The following HS6ST1 variants were observed in gnomAD, a reference collection of about 807,000 sequenced individuals.
HS6ST1 encodes heparan sulfate 6-O-sulfotransferase 1.
A neutral mutation model predicts 25.2 loss-of-function variants in HS6ST1; 3 were observed. That is an observed-to-expected ratio of 0.12 (90% CI 0.05 to 0.31). The LOEUF is 0.31. HS6ST1 is among the 10% of genes least tolerant of loss of function. The pLI is 1.00. For missense variants in HS6ST1, 310 were observed against 609.6 expected (o/e 0.51, Z 5.18); for synonymous variants, 204 against 275.1 (o/e 0.74, Z 2.56).
rs114319736 is a variant in HS6ST1 at position 128,268,014 on chromosome 2, A to C, written c.*148T>G. ...CCCCATCCCTGCCCAGCCCCACTAC[A>C]TCCCTGCTCTGTTTTTTTTCAGGAC... On this transcript the variant is annotated 3_prime_UTR_variant, in exon 2 of 2. Transcript: ENST00000259241. 2.1e-6 allele frequency: 1 copy of C among 482,476 alleles called. No homozygotes were observed. Among genetic ancestry groups the C allele is most frequent in the Non-Finnish European group, 3.6e-6 (1 of 277,586 alleles). The allele number at this position is 482,476 out of a possible 1,614,324, so 29.9% of individuals were successfully genotyped here. A position where few individuals can be genotyped will look rare whatever the true frequency, so the allele number is the denominator to read the frequency against.
At chr2:128,284,893 C>A (rs1231153646) in intron 1 of HS6ST1, among the ~76,000 whole-genome samples, 1 of 152,212 alleles carries the variant, frequency 6.6e-6, no homozygotes, top group African/African-American at 2.4e-5. Flanking sequence ...ACCCCCACCC[C>A]CCACCTGGTG....
chr2:128,280,582 C>T (rs1446857604), intron 1 of HS6ST1, among the ~76,000 whole-genome samples: 2 of 152,258 alleles, frequency 1.3e-5, no homozygotes. Context: ...AAACCCAGAT[C>T]ATCAAGTTCT....
chr2:128,299,427 CCA>C (rs1439328771), intron 1 of HS6ST1, among the ~76,000 whole-genome samples: 1 of 152,228 alleles, frequency 6.6e-6, no homozygotes, highest in African/African-American at 2.4e-5. Context: ...TCTGCTGGCC[CCA>C]GTCTCAGTGT....
chr2:128,282,230 A>G (rs1404563929), intron 1 of HS6ST1, among the ~76,000 whole-genome samples: 1 of 152,258 alleles, frequency 6.6e-6, no homozygotes, highest in Admixed American at 6.5e-5. Flanking sequence ...AGTGGTCTGC[A>G]TAAAGAAAAA....
At chr2:128,296,083 C>T (rs940649865) in intron 1 of HS6ST1, among the ~76,000 whole-genome samples, 1 of 152,200 alleles carries the variant, frequency 6.6e-6, no homozygotes, top group Admixed American at 6.5e-5. Context: ...GCAGGGGATA[C>T]AAGACAGGCA....
chr2:128,301,169 G>A (rs1271029418), intron 1 of HS6ST1, among the ~76,000 whole-genome samples: 1 of 148,530 alleles, frequency 6.7e-6, no homozygotes, highest in Non-Finnish European at 1.5e-5. Flanking sequence ...GACTGGGGTC[G>A]CCGGGGGCTG....
intron 1 of HS6ST1, among the ~76,000 whole-genome samples, chr2:128,289,255 TG>T: frequency 6.6e-6 from 1 of 152,298 alleles, no homozygotes; most frequent in East Asian, 1.9e-4. Context: ...GCAGTGACCC[TG>T]GGGACTCGGG....
intron 1 of HS6ST1, among the ~76,000 whole-genome samples, chr2:128,295,831 A>G (rs1040832929): frequency 6.6e-6 from 1 of 152,216 alleles, no homozygotes; most frequent in Non-Finnish European, 1.5e-5. Context: ...CATAATAAAA[A>G]CTTTCAACAA....
chr2:128,278,395 G>C (rs78673086), intron 1 of HS6ST1, among the ~76,000 whole-genome samples: 1,634 of 152,350 alleles, frequency 0.011, 27 homozygotes, highest in African/African-American at 0.036. Context: ...TGGGAAGTCT[G>C]GGGCGGGCGA....
At position 128,274,252 on chromosome 2, in the gene HS6ST1, G is replaced by A. The variant is rs35227172; in HGVS notation, c.528-5382C>T. The stretch of plus-strand genomic sequence containing the variant: ...AGACTGAAATGGCTGACCAAGTGCC[G>A]AGCAAATGAATGTGGGGAATGAACA... On this transcript the variant is annotated intron_variant, in intron 1 of 1. Transcript: ENST00000259241. 4.5e-3 allele frequency among the ~76,000 whole-genome samples: 686 copies of A among 152,198 alleles called. 2 individuals carry two copies. Among genetic ancestry groups the A allele is most frequent in the Non-Finnish European group, 7.9e-3 (538 of 67,992 alleles).
intron 1 of HS6ST1, among the ~76,000 whole-genome samples, chr2:128,304,000 ATCT>A (rs1356130301): frequency 2.0e-5 from 3 of 152,188 alleles, no homozygotes; most frequent in Non-Finnish European, 4.4e-5. Flanking sequence ...TGGGACACTC[ATCT>A]TCTTGCCCTT....
In HS6ST1 at chr2:128,268,480, C is replaced by A; in HGVS notation, c.918G>T (p.Arg306=). Residue 306 remains arginine, a synonymous_variant, in exon 2 of 2, where the codon CGG becomes CGT. Transcript: ENST00000259241. The part of the protein sequence containing the change: ...FQRKTQYLFE[R]TFNLKFIRPF... ...GCCGGATGAACTTGAGGTTGAACGTCCGCTCGAACAGGTACTGCGTCTTGC... is the reference window on the plus strand; with the variant it reads ...GCCGGATGAACTTGAGGTTGAACGTACGCTCGAACAGGTACTGCGTCTTGC... The A allele has an allele frequency of 2.5e-6, 4 of 1,613,168 alleles. No individual in the cohort carries two copies. Among genetic ancestry groups the A allele is most frequent in the Non-Finnish European group, 3.4e-6 (4 of 1,179,736 alleles).
At chr2:128,317,357 A>G (rs1355589973) in intron 1 of HS6ST1, among the ~76,000 whole-genome samples, 1 of 152,192 alleles carries the variant, frequency 6.6e-6, no homozygotes, top group Non-Finnish European at 1.5e-5. Context: ...GTGGTCCCCC[A>G]TCGGGTGGCT....
intron 1 of HS6ST1, among the ~76,000 whole-genome samples, chr2:128,291,869 T>C (rs1335554275): frequency 6.6e-6 from 1 of 152,224 alleles, no homozygotes; most frequent in African/African-American, 2.4e-5. Context: ...ATACACAGGC[T>C]TCCCTATAGG....
chr2:128,269,616 C>T (rs1021512648), intron 1 of HS6ST1, among the ~76,000 whole-genome samples: 3 of 152,224 alleles, frequency 2.0e-5, no homozygotes, highest in Non-Finnish European at 4.4e-5. Context: ...AACGTGGTGG[C>T]GGCTGTGGAT....
intron 1 of HS6ST1, among the ~76,000 whole-genome samples, chr2:128,294,964 G>A (rs1170847382): frequency 6.6e-6 from 1 of 152,098 alleles, no homozygotes; most frequent in Non-Finnish European, 1.5e-5. Context: ...AAGGCTCAGT[G>A]GGCCCCATGA....
chr2:128,314,708 C>T (rs944952923), intron 1 of HS6ST1, among the ~76,000 whole-genome samples: 1 of 152,200 alleles, frequency 6.6e-6, no homozygotes, highest in African/African-American at 2.4e-5. Context: ...TGCAGGGCAA[C>T]GTCACAGAGG....
rs753970837 is a variant in HS6ST1, at chr2:128,268,919, G to A, written c.528-49C>T. The A allele has an allele frequency of 4.0e-6, 6 of 1,493,740 alleles. No individual in the cohort carries two copies. In the African/African-American group the frequency reaches 5.5e-5, roughly 14 times the overall value. The allele number at this position is 1,493,740 out of a possible 1,614,324, so 92.5% of individuals were successfully genotyped here. A position where few individuals can be genotyped will look rare whatever the true frequency, so the allele number is the denominator to read the frequency against. On this transcript the variant is annotated intron_variant, in intron 1 of 1. Transcript: ENST00000259241. ...GTGAGGGCTGTGACGCAGCATGAGG[G>A]GGGCTACCAGGGCTGCTCTGAGTCA...
intron 1 of HS6ST1, among the ~76,000 whole-genome samples, chr2:128,290,817 CAAAAAAA>C (rs57754041): frequency 6.9e-4 from 42 of 60,544 alleles, no homozygotes; most frequent in South Asian, 1.8e-3. Context: ...ACTAAAAATA[CAAAAAAA>C]AAAAAAAAAA....
Sources: gnomAD v4.1 joint callset for allele counts (sites outside exome capture counted in the v4.1 genomes callset) on GRCh38, gnomAD v4.1.1 for gene constraint, MANE v1.5 for transcripts, NCBI Gene and HGNC (gene_info 2026-07-23, HGNC 2026-07-21) for gene names.